The following FLRT2 variants were observed in gnomAD, a reference collection of about 807,000 sequenced individuals.
The protein encoded by FLRT2 is fibronectin leucine rich transmembrane protein 2.
FLRT2 carries 15 observed loss-of-function variants against 40.0 expected under a neutral mutation model. The observed-to-expected ratio is 0.38, with a 90% CI of 0.25 to 0.58. The LOEUF (loss-of-function observed/expected upper bound fraction) is 0.58. FLRT2 is among the 20% of genes least tolerant of loss of function. The pLI is 0.71. For missense variants in FLRT2, 726 were observed against 840.0 expected (o/e 0.86, Z 1.68); for synonymous variants, 380 against 336.8 (o/e 1.13, Z -1.41).
chr14:85,563,571 G>A lies in FLRT2; in HGVS notation c.-377+33037G>A, dbSNP rs1025770745. Among the ~76,000 whole-genome samples, 72 of 151,998 alleles carry A rather than the reference G, an allele frequency of 4.7e-4. 1 individual carries two copies. Among genetic ancestry groups the A allele is most frequent in the Middle Eastern group, 3.2e-3 (1 of 316 alleles). On this transcript the variant is annotated intron_variant, in intron 1 of 1. Coordinates refer to ENST00000330753, the MANE Select transcript of FLRT2 (RefSeq NM_013231.6). ...GGAGGAAGAAAGAGAAGAGGGAAGT[G>A]CCACATACTTTTAAAAAACCAGATC... is the stretch of plus-strand genomic sequence containing the variant.
In FLRT2 at chr14:85,630,373, A is replaced by G. The variant is rs1260423831; in HGVS notation, c.*6876A>G. On this transcript the variant is annotated 3_prime_UTR_variant, in exon 2 of 2. Coordinates refer to ENST00000330753, the MANE Select transcript of FLRT2 (RefSeq NM_013231.6). The stretch of plus-strand genomic sequence containing the variant: ...TAGGGGAATTCTTATTACTTCAATG[A>G]CATAATAAACCTCAGTATTGGGTCA... The G allele has an allele frequency of 1.4e-5, 2 of 145,632 alleles. No homozygotes were observed. Among genetic ancestry groups the G allele is most frequent in the African/African-American group, 5.1e-5 (2 of 38,876 alleles). 9.0% of individuals were successfully genotyped at this position (145,632 alleles called of 1,614,324 possible).
chr14:85,564,469 G>A (rs1472769371), intron 1 of FLRT2, among the ~76,000 whole-genome samples: 2 of 152,100 alleles, frequency 1.3e-5, no homozygotes, highest in Non-Finnish European at 2.9e-5. Context: ...AATATATTTA[G>A]GTAATTAAAA....
rs1002602670 is a variant in FLRT2, at chr14:85,637,373, A to G, written c.*13876A>G. 1.3e-5 allele frequency: 2 copies of G among 152,208 alleles called. No individual in the cohort carries two copies. The highest frequency in any genetic ancestry group is 2.9e-5 in the Non-Finnish European group (2 of 68,034). 9.4% of individuals were successfully genotyped at this position (152,208 alleles called of 1,614,324 possible). ...CATTCACTTACCAGCTGTGTTCTCC[A>G]GTCAAAAAACTTCACCTCTTTAATG... On this transcript the variant is annotated 3_prime_UTR_variant, in exon 2 of 2. Coordinates refer to ENST00000330753, the MANE Select transcript of FLRT2 (RefSeq NM_013231.6).
rs1470580342 is a variant in FLRT2, at chr14:85,652,809, A to G, written c.*29312A>G. The G allele has an allele frequency of 6.7e-6, 1 of 149,154 alleles. No individual in the cohort carries two copies. Among genetic ancestry groups the G allele is most frequent in the Non-Finnish European group, 1.5e-5 (1 of 66,762 alleles). The allele number at this position is 149,154 out of a possible 1,614,324, so 9.2% of individuals were successfully genotyped here. On this transcript the variant is annotated 3_prime_UTR_variant, in exon 2 of 2. Coordinates refer to ENST00000330753, the MANE Select transcript of FLRT2 (RefSeq NM_013231.6). ...GAGTTTTCTTTTTCTATTATTTAAAAAAGTTTTTGCTTGGCAAATCTTCCC... is the reference window on the plus strand; with the variant it reads ...GAGTTTTCTTTTTCTATTATTTAAAGAAGTTTTTGCTTGGCAAATCTTCCC...
intron 1 of FLRT2, among the ~76,000 whole-genome samples, chr14:85,532,511 T>G (rs1264749983): frequency 6.6e-6 from 1 of 152,228 alleles, no homozygotes; most frequent in African/African-American, 2.4e-5. Context: ...AAACGTTGCC[T>G]GTACAGAAAT....
intron 1 of FLRT2, among the ~76,000 whole-genome samples, chr14:85,550,391 A>G (rs1197303382): frequency 6.6e-6 from 1 of 152,224 alleles, no homozygotes; most frequent in East Asian, 1.9e-4. Flanking sequence ...CCTTTCAAAC[A>G]GGGAAGCAAA....
At chr14:85,560,131 G>T (rs920667659) in intron 1 of FLRT2, among the ~76,000 whole-genome samples, 1 of 152,050 alleles carries the variant, frequency 6.6e-6, no homozygotes, top group African/African-American at 2.4e-5. Flanking sequence ...TTATTTTTTG[G>T]TTCTTACATG....
At chr14:85,589,018 G>T (rs1297234170) in intron 1 of FLRT2, among the ~76,000 whole-genome samples, 2 of 152,120 alleles carry the variant, frequency 1.3e-5, no homozygotes, top group Admixed American at 6.5e-5. Context: ...GGACACTTAG[G>T]TTCTTTCCAA....
intron 1 of FLRT2, among the ~76,000 whole-genome samples, chr14:85,589,481 G>A (rs1030139255): frequency 1.2e-4 from 18 of 152,158 alleles, no homozygotes; most frequent in South Asian, 4.1e-4. Context: ...TCCTATAGTC[G>A]TTTGATCTCT....
rs1893675093 is a variant in FLRT2 at position 85,626,163 on chromosome 14, T to C, written c.*2666T>C. 1 of 167,116 alleles carries C rather than the reference T, an allele frequency of 6.0e-6. No individual in the cohort carries two copies. The highest frequency in any genetic ancestry group is 2.4e-5 in the African/African-American group (1 of 41,460). 10.4% of individuals were successfully genotyped at this position (167,116 alleles called of 1,614,324 possible). On this transcript the variant is annotated 3_prime_UTR_variant, in exon 2 of 2. Transcript: ENST00000330753. Reference sequence around the variant, plus strand: ...TGTTACAGCCTCACCTGCACCAGGATAGAAAGCACGTGATGGAATCTGTGA... The same window carrying C: ...TGTTACAGCCTCACCTGCACCAGGACAGAAAGCACGTGATGGAATCTGTGA...
intron 1 of FLRT2, among the ~76,000 whole-genome samples, chr14:85,560,445 C>T (rs902050327): frequency 4.0e-5 from 6 of 151,780 alleles, no homozygotes; most frequent in African/African-American, 7.3e-5. Context: ...CATGGTGGCA[C>T]GTGGCTGTAA....
intron 1 of FLRT2, among the ~76,000 whole-genome samples, chr14:85,595,446 GA>G (rs140209277): frequency 0.49 from 65,097 of 132,172 alleles, 15,378 homozygotes; most frequent in East Asian, 0.85. Context: ...AGTAAGATGT[GA>G]AAAAAAAAAA....
At chr14:85,553,285 A>T (rs1053703932) in intron 1 of FLRT2, among the ~76,000 whole-genome samples, 1 of 152,210 alleles carries the variant, frequency 6.6e-6, no homozygotes, top group African/African-American at 2.4e-5. Flanking sequence ...TAGAATGCAG[A>T]CAGGGAGTTT....
chr14:85,562,585 TC>T (rs1890404372), intron 1 of FLRT2: 1 of 151,124 alleles, frequency 6.6e-6, no homozygotes, highest in Non-Finnish European at 1.5e-5. Context: ...TGAAGCTGGT[TC>T]CCAAATCTCC....
chr14:85,628,129 T>G lies in FLRT2; in HGVS notation c.*4632T>G, dbSNP rs886744259. On this transcript the variant is annotated 3_prime_UTR_variant, in exon 2 of 2. Coordinates refer to ENST00000330753, the MANE Select transcript of FLRT2 (RefSeq NM_013231.6). Reference sequence around the variant, plus strand: ...ATGAAATCCTCATGTTCTTTTAAATTTCCCAACTAAATTGTGTGTTCCTAC... The same window carrying G: ...ATGAAATCCTCATGTTCTTTTAAATGTCCCAACTAAATTGTGTGTTCCTAC... 2 of 152,200 alleles carry G rather than the reference T, an allele frequency of 1.3e-5. No individual in the cohort carries two copies. Among genetic ancestry groups the G allele is most frequent in the African/African-American group, 4.8e-5 (2 of 41,422 alleles). 9.4% of individuals were successfully genotyped at this position (152,200 alleles called of 1,614,324 possible).
In FLRT2 at chr14:85,640,595, A is replaced by G. The variant is rs1346615123; in HGVS notation, c.*17098A>G. The G allele has an allele frequency of 6.6e-6, 1 of 152,244 alleles. No individual in the cohort carries two copies. The highest frequency in any genetic ancestry group is 2.4e-5 in the African/African-American group (1 of 41,472). The allele number at this position is 152,244 out of a possible 1,614,324, so 9.4% of individuals were successfully genotyped here. A position where few individuals can be genotyped will look rare whatever the true frequency, so the allele number is the denominator to read the frequency against. ...AAGTTCTCTCATCAAGGTCTGTACC[A>G]TGATTGAACTACTTGCTGCCATAAA... is the stretch of plus-strand genomic sequence containing the variant. On this transcript the variant is annotated 3_prime_UTR_variant, in exon 2 of 2. Transcript: ENST00000330753.
At chr14:85,611,997 C>T (rs1337561692) in intron 1 of FLRT2, among the ~76,000 whole-genome samples, 1 of 127,606 alleles carries the variant, frequency 7.8e-6, no homozygotes, top group Non-Finnish European at 1.6e-5. Flanking sequence ...TTGCCTCCCT[C>T]TGGTGGCCAT....
At chr14:85,611,644 C>A (rs1296664914) in intron 1 of FLRT2, among the ~76,000 whole-genome samples, 1 of 152,136 alleles carries the variant, frequency 6.6e-6, no homozygotes, top group African/African-American at 2.4e-5. Flanking sequence ...CCAGGGCCTA[C>A]AGTCCAGTCA....
chr14:85,597,730 G>A lies in FLRT2; in HGVS notation c.-376-23409G>A, dbSNP rs375625881. 8.5e-5 allele frequency among the ~76,000 whole-genome samples: 13 copies of A among 152,226 alleles called. 1 individual carries two copies. The highest frequency in any genetic ancestry group is 2.9e-4 in the African/African-American group (12 of 41,556). On this transcript the variant is annotated intron_variant, in intron 1 of 1. Coordinates refer to ENST00000330753, the MANE Select transcript of FLRT2 (RefSeq NM_013231.6). ...TGCCACCTTGCCCCGCTAAGGATGC[G>A]GCCAACTTTAAGACATTTATTTGGT...
Sources: allele counts gnomAD v4.1 joint callset (sites outside exome capture counted in the v4.1 genomes callset), GRCh38; gene constraint gnomAD v4.1.1; transcripts MANE v1.5; gene names NCBI Gene and HGNC (gene_info 2026-07-23, HGNC 2026-07-21).